Variants in SERINC5 observed in about 807,000 individuals in gnomAD.
The protein encoded by SERINC5 is serine incorporator 5, also known as chromosome 5 open reading frame 12.
A neutral mutation model predicts 63.1 loss-of-function variants in SERINC5; 41 were observed. The observed-to-expected ratio is 0.65, with a 90% CI of 0.51 to 0.84. The LOEUF is 0.84. Among genes scored for constraint, SERINC5 ranks in the 40% least tolerant of loss-of-function variants. The probability of loss-of-function intolerance (pLI) is 0.00; values close to 1 mark genes in which losing one functional copy is unlikely to be tolerated. For missense variants in SERINC5, 523 were observed against 573.0 expected, an observed-to-expected ratio of 0.91 and a Z score of 0.89; for synonymous variants, 222 against 215.2, an observed-to-expected ratio of 1.03 and a Z score of -0.28.
intron 1 of SERINC5, among the ~76,000 whole-genome samples, chr5:80,209,300 G>A (rs141548426): frequency 1.3e-5 from 2 of 152,280 alleles, no homozygotes; most frequent in South Asian, 2.1e-4. Context: ...AGTTAAATAC[G>A]ACCACTGGGG....
chr5:80,153,076 C>G (rs73125978), intron 8 of SERINC5, among the ~76,000 whole-genome samples: 22,175 of 152,132 alleles, frequency 0.15, 2,464 homozygotes, highest in African/African-American at 0.31. Flanking sequence ...CATGGGGAAG[C>G]TTTTGATTTT....
chr5:80,111,296 A>G (rs1235532062), downstream of SERINC5, among the ~76,000 whole-genome samples: 1 of 152,158 alleles, frequency 6.6e-6, no homozygotes, highest in Non-Finnish European at 1.5e-5. Context: ...TCGGCCCTGA[A>G]GAAGGGGCTA....
chr5:80,169,171 A>G (rs1459501270), intron 6 of SERINC5, among the ~76,000 whole-genome samples, 164 bp downstream of exon 6: 1 of 152,212 alleles, frequency 6.6e-6, no homozygotes, highest in African/African-American at 2.4e-5. Context: ...AGCATGAGAT[A>G]TGAAGAGACT....
At chr5:80,233,471 C>T (rs999215137) in intron 1 of SERINC5, among the ~76,000 whole-genome samples, 5 of 150,476 alleles carry the variant, frequency 3.3e-5, no homozygotes, top group Admixed American at 6.6e-5. Context: ...AACCTAATAG[C>T]CATTTTAGGA....
chr5:80,255,946 C>A lies in SERINC5; in HGVS notation c.-24G>T. ...ATCGCGGCGGCCAATGCCGAAGGCG[C>A]GCTCGCTGGCTCCCCGCGCCGCACG... is the stretch of plus-strand genomic sequence containing the variant. On this transcript the variant is annotated 5_prime_UTR_variant, in exon 1 of 12. Coordinates refer to ENST00000507668, the MANE Select transcript of SERINC5 (RefSeq NM_001174072.3). 6.5e-7 allele frequency: 1 copy of A among 1,532,404 alleles called. No homozygotes were observed. The allele number at this position is 1,532,404 out of a possible 1,614,324, so 94.9% of individuals were successfully genotyped here. A position where few individuals can be genotyped will look rare whatever the true frequency, so the allele number is the denominator to read the frequency against.
intron 2 of SERINC5, among the ~76,000 whole-genome samples, chr5:80,191,479 C>CAAA (rs1167390197): frequency 0.018 from 711 of 38,482 alleles, 10 homozygotes; most frequent in African/African-American, 0.055. Flanking sequence ...TCCATCTCTA[C>CAAA]AAAAAAAAAA....
intron 7 of SERINC5, among the ~76,000 whole-genome samples, chr5:80,163,046 G>A (rs115936119): frequency 0.16 from 24,020 of 151,764 alleles, 2,069 homozygotes; most frequent in South Asian, 0.29. Context: ...GTAGACACGA[G>A]GTCTCACCAT....
At chr5:80,254,193 G>A (rs1283439593) in intron 1 of SERINC5, among the ~76,000 whole-genome samples, 1 of 151,934 alleles carries the variant, frequency 6.6e-6, no homozygotes, top group African/African-American at 2.4e-5. Flanking sequence ...CAAAGTGCTG[G>A]GATTACAGGC....
At chr5:80,154,044 T>C (rs922003015) in intron 8 of SERINC5, among the ~76,000 whole-genome samples, 4 of 152,166 alleles carry the variant, frequency 2.6e-5, no homozygotes, top group Non-Finnish European at 4.4e-5. Flanking sequence ...GGGTAGGCCC[T>C]TGACAGATCC....
At chr5:80,144,429 C>G (rs1745694217) in intron 11 of SERINC5, among the ~76,000 whole-genome samples, 1 of 152,172 alleles carries the variant, frequency 6.6e-6, no homozygotes, top group South Asian at 2.1e-4. Flanking sequence ...AAGGAGATGC[C>G]AAACTCTTTT....
At chr5:80,252,128 ATCAGC>A (rs1752456825) in intron 1 of SERINC5, among the ~76,000 whole-genome samples, 1 of 141,490 alleles carries the variant, frequency 7.1e-6, no homozygotes, top group African/African-American at 2.7e-5. Flanking sequence ...AGTGCTCAAT[ATCAGC>A]TCACTGCAAC....
chr5:80,199,140 A>G (rs778586840), intron 2 of SERINC5, among the ~76,000 whole-genome samples: 23 of 152,152 alleles, frequency 1.5e-4, no homozygotes, highest in Non-Finnish European at 3.1e-4. Context: ...AGATGTGGTC[A>G]TTTCACCTCG....
At chr5:80,210,313 T>A (rs1436128337) in intron 1 of SERINC5, among the ~76,000 whole-genome samples, 1 of 152,140 alleles carries the variant, frequency 6.6e-6, no homozygotes, top group African/African-American at 2.4e-5. Context: ...GACTCTTGCT[T>A]ATCTTACCTG....
At chr5:80,246,105 A>G (rs1752159332) in intron 1 of SERINC5, among the ~76,000 whole-genome samples, 2 of 152,156 alleles carry the variant, frequency 1.3e-5, no homozygotes, top group South Asian at 4.1e-4. Flanking sequence ...TTTCATTACT[A>G]TGGAAACAAA....
intron 8 of SERINC5, among the ~76,000 whole-genome samples, chr5:80,152,663 A>G (rs1746261825): frequency 6.6e-6 from 1 of 151,992 alleles, no homozygotes; most frequent in Non-Finnish European, 1.5e-5. Context: ...AGAATAGGCC[A>G]GGTGCAGTGG....
At position 80,145,188 on chromosome 5, in the gene SERINC5, A is replaced by T. The variant is rs183446112; in HGVS notation, c.1238+902T>A. On this transcript the variant is annotated intron_variant, in intron 11 of 11. Transcript: ENST00000507668. ...ACTCCGTCTCTACTAAAAATAATAA[A>T]AAAAAAAATTAGCCAGTGTGGTGGC... 4.2e-3 allele frequency among the ~76,000 whole-genome samples: 629 copies of T among 149,964 alleles called. 6 individuals are homozygous for T. Among genetic ancestry groups the T allele is most frequent in the African/African-American group, 0.015 (591 of 39,510 alleles).
Position 80,185,043 on chromosome 5 carries a change from A to AT in SERINC5, c.196-6980dup, listed in dbSNP as rs373531485. ...AGGCATACACCACTATGCCCAGCTA[A>AT]TTTTTGTATTTTTAGTAGATGGGGT... On this transcript the variant is annotated intron_variant, in intron 2 of 11. Transcript: ENST00000507668. Among the ~76,000 whole-genome samples, 6 of 152,070 alleles carry AT rather than the reference A, an allele frequency of 3.9e-5. No homozygotes were observed. In the East Asian group the frequency reaches 9.7e-4, roughly 25 times the overall value.
chr5:80,197,121 G>C (rs575947898), intron 2 of SERINC5, among the ~76,000 whole-genome samples: 13 of 152,164 alleles, frequency 8.5e-5, no homozygotes, highest in Admixed American at 3.9e-4. Flanking sequence ...GGCCTAGGCA[G>C]GCAAATCACC....
rs57108110 is a variant in SERINC5 at position 80,245,965 on chromosome 5, TAAAA to T, written c.27+9927_27+9930del. Among the ~76,000 whole-genome samples the T allele has an allele frequency of 2.0e-3, 236 of 115,944 alleles. 1 individual carries two copies. Among genetic ancestry groups the T allele is most frequent in the Admixed American group, 4.1e-3 (44 of 10,802 alleles). 76.1% of individuals were successfully genotyped at this position (115,944 alleles called of 152,430 possible). A position where few individuals can be genotyped will look rare whatever the true frequency, so the allele number is the denominator to read the frequency against. ...TTTACTTTAGGGATTGTCAGCTCTT[TAAAA>T]AAAAAAAAAAAAAAAAAAGAGTAAC... On this transcript the variant is annotated intron_variant, in intron 1 of 11. Transcript: ENST00000507668.
Sources: allele counts gnomAD v4.1 joint callset (sites outside exome capture counted in the v4.1 genomes callset), GRCh38; gene constraint gnomAD v4.1.1; transcripts MANE v1.5; gene names NCBI Gene and HGNC (gene_info 2026-07-23, HGNC 2026-07-21).